The following ADNP variants were observed in gnomAD, a reference collection of about 807,000 sequenced individuals.
The protein encoded by ADNP is activity dependent neuroprotector homeobox.
Under a neutral mutation model 84.9 loss-of-function variants are expected in ADNP, and 4 were observed. That is an observed-to-expected ratio of 0.05 (90% confidence interval 0.02 to 0.11). ADNP has a LOEUF of 0.11. Among genes scored for constraint, ADNP ranks in the 10% least tolerant of loss-of-function variants. The probability of loss-of-function intolerance (pLI) is 1.00; values close to 1 mark genes in which losing one functional copy is unlikely to be tolerated. For synonymous variants in ADNP, 554 were observed against 468.1 expected (o/e 1.18, Z -2.37); for missense variants, 1,132 against 1,326.0 (o/e 0.85, Z 2.27).
rs766214850 is a variant in ADNP at position 50,891,507 on chromosome 20, A to T, written c.3207T>A (p.Ile1069=). 2.5e-5 allele frequency: 40 copies of T among 1,612,380 alleles called. No homozygotes were observed. Among genetic ancestry groups the T allele is most frequent in the Non-Finnish European group, 3.1e-5 (37 of 1,180,008 alleles). The part of the protein sequence containing the change: ...NPQIEWQNST[I]DSEDGEQFDN... ...CAAACTGTTCCCCATCCTCACTGTC[A>T]ATTGTGCTATTCTGCCACTCAATCT... The change falls in exon 6 of 6, where the codon ATT becomes ATA. Residue 1069 remains isoleucine (I), a synonymous_variant. Transcript: ENST00000621696.
rs564371879 is a variant in ADNP, at chr20:50,930,237, G to A, written c.-265+589C>T. Among the ~76,000 whole-genome samples, 8 of 152,322 alleles carry A rather than the reference G, an allele frequency of 5.3e-5. 1 individual carries two copies. The highest frequency in any genetic ancestry group is 2.1e-4 in the South Asian group (1 of 4,826). On this transcript the variant is annotated intron_variant, in intron 1 of 5. Transcript: ENST00000621696. ...GGTGCTGACCAGGCAGCTGAGATTG[G>A]GGAAAAGGGATGGTGGTGAACTGTG...
intron 2 of ADNP, among the ~76,000 whole-genome samples, chr20:50,920,140 G>A (rs138556383): frequency 2.0e-3 from 302 of 148,856 alleles, no homozygotes; most frequent in African/African-American, 7.0e-3. Context: ...AGCCGGGCGT[G>A]GTGGTGTGCG....
Position 50,925,556 on chromosome 20 carries a change from C to T in ADNP, c.-90+3095G>A, listed in dbSNP as rs186044985. ...AAAACCATGAAATCACAATGGCCAC[C>T]CACAATGGGCAAAGCATGGACGGTT... is the stretch of plus-strand genomic sequence containing the variant. On this transcript the variant is annotated intron_variant, in intron 2 of 5. Coordinates refer to ENST00000621696, the MANE Select transcript of ADNP (RefSeq NM_001282531.3). Among the ~76,000 whole-genome samples, 54 of 152,232 alleles carry T rather than the reference C, an allele frequency of 3.5e-4. 1 individual carries two copies. The highest frequency in any genetic ancestry group is 5.9e-4 in the Admixed American group (9 of 15,298).
At chr20:50,914,309 A>G (rs1983326621) in intron 2 of ADNP, 4 of 692,470 alleles carry the variant, frequency 5.8e-6, no homozygotes, top group South Asian at 1.6e-5. Context: ...CCAAGGAGCA[A>G]TATTTACATA....
chr20:50,929,247 GTGGAAGA>G (rs1568750253), intron 1 of ADNP, among the ~76,000 whole-genome samples: 3 of 152,208 alleles, frequency 2.0e-5, no homozygotes, highest in African/African-American at 7.2e-5. Context: ...AAAACTTGAG[GTGGAAGA>G]ACTCCAGAGG....
chr20:50,914,765 T>C (rs983965236), intron 2 of ADNP, among the ~76,000 whole-genome samples: 4 of 152,250 alleles, frequency 2.6e-5, no homozygotes, highest in African/African-American at 9.6e-5. Flanking sequence ...TAGATGGTTC[T>C]AGGTGGACTC....
rs1052269794 is a variant in ADNP, at chr20:50,931,415, A to C, written c.-854T>G. ...CGGACCGAGTCCCCGAACCTGCCCTAGCCAAAATGGCGGCCGAGAAAGAGC... is the reference window on the plus strand; with the variant it reads ...CGGACCGAGTCCCCGAACCTGCCCTCGCCAAAATGGCGGCCGAGAAAGAGC... On this transcript the variant is annotated 5_prime_UTR_variant, in exon 1 of 6. Coordinates refer to ENST00000621696, the MANE Select transcript of ADNP (RefSeq NM_001282531.3). 6.6e-6 allele frequency: 1 copy of C among 152,498 alleles called. No homozygotes were observed. Among genetic ancestry groups the C allele is most frequent in the Non-Finnish European group, 1.5e-5 (1 of 68,374 alleles). 9.4% of individuals were successfully genotyped at this position (152,498 alleles called of 1,614,324 possible).
chr20:50,930,765 C>G (rs1312021690), intron 1 of ADNP, 61 bp downstream of exon 1: 1 of 150,794 alleles, frequency 6.6e-6, no homozygotes, highest in Non-Finnish European at 1.5e-5. Flanking sequence ...CCGCGCGGGC[C>G]GGGGTCGGGA....
At position 50,894,263 on chromosome 20, in the gene ADNP, C is replaced by T. The variant is rs1981153125; in HGVS notation, c.451G>A (p.Gly151Ser). The T allele has an allele frequency of 1.2e-6, 2 of 1,613,862 alleles. No homozygotes were observed. Among genetic ancestry groups the T allele is most frequent in the South Asian group, 1.1e-5 (1 of 91,006 alleles). ...CTGTCAGCCTGCTTAGGTTTAAGGC[C>T]ATCATTTTTGTTTTTATCTTTGAAA... is the stretch of plus-strand genomic sequence containing the variant. ...STFKDKNKND[G>S]LKPKQADSVE... is the part of the protein sequence containing the mutation. Residue 151 changes from glycine to serine, a missense_variant, in exon 6 of 6, where the codon GGC (glycine) becomes AGC (serine). Physicochemically the swap from Gly to Ser is moderately conservative, Grantham distance 56 (BLOSUM62 0). Transcript: ENST00000621696.
Position 50,894,311 on chromosome 20 carries a change from C to T in ADNP, c.403G>A (p.Ala135Thr), listed in dbSNP as rs202035157. 1.4e-5 allele frequency: 22 copies of T among 1,613,600 alleles called. No homozygotes were observed. Among genetic ancestry groups the T allele is most frequent in the African/African-American group, 8.0e-5 (6 of 74,952 alleles). ...IKIFHAPNAS[A>T]PSSSLSTFKD... is the part of the protein sequence containing the mutation. ...AAAGTGCTGAGGCTGCTACTTGGTG[C>T]GCTGGCGTTCGGAGCATGAAATATT... is the stretch of plus-strand genomic sequence containing the variant. The change falls in exon 6 of 6, where the codon GCA becomes ACA. Residue 135 changes from alanine (A) to threonine (T), a missense_variant. Coordinates refer to ENST00000621696, the MANE Select transcript of ADNP (RefSeq NM_001282531.3).
chr20:50,928,075 T>C (rs1304135976), intron 2 of ADNP, among the ~76,000 whole-genome samples: 1 of 152,250 alleles, frequency 6.6e-6, no homozygotes, highest in African/African-American at 2.4e-5. Context: ...TCTAGTCAAA[T>C]ACCTGTACCA....
At chr20:50,927,597 T>C (rs1337716123) in intron 2 of ADNP, among the ~76,000 whole-genome samples, 1 of 151,914 alleles carries the variant, frequency 6.6e-6, no homozygotes, top group Non-Finnish European at 1.5e-5. Flanking sequence ...GGTCTCATTA[T>C]GTTGCCCAAG....
chr20:50,915,457 C>A (rs1983437014), intron 2 of ADNP, among the ~76,000 whole-genome samples: 1 of 152,132 alleles, frequency 6.6e-6, no homozygotes, highest in Admixed American at 6.5e-5. Context: ...AGATTGAGAG[C>A]CTACAGCCAG....
rs759277858 is a variant in ADNP at position 50,889,266 on chromosome 20, T to G, written c.*2139A>C. 1 of 152,200 alleles carries G rather than the reference T, an allele frequency of 6.6e-6. No individual in the cohort carries two copies. The highest frequency in any genetic ancestry group is 1.5e-5 in the Non-Finnish European group (1 of 68,026). 9.4% of individuals were successfully genotyped at this position (152,200 alleles called of 1,614,324 possible). On this transcript the variant is annotated 3_prime_UTR_variant, in exon 6 of 6. Coordinates refer to ENST00000621696, the MANE Select transcript of ADNP (RefSeq NM_001282531.3). ...CCGTGGTGTCTTGTACAAGTCTCATTAGTCCTCCACGTACAACTCAGAAGC... is the reference window on the plus strand; with the variant it reads ...CCGTGGTGTCTTGTACAAGTCTCATGAGTCCTCCACGTACAACTCAGAAGC...
chr20:50,895,916 A>G (rs971734732), intron 5 of ADNP, among the ~76,000 whole-genome samples: 4 of 152,262 alleles, frequency 2.6e-5, no homozygotes, highest in African/African-American at 9.6e-5. Context: ...TTTTGTAGTA[A>G]TACTTAGCTT....
chr20:50,927,436 C>T (rs1256002412), intron 2 of ADNP, among the ~76,000 whole-genome samples: 1 of 152,192 alleles, frequency 6.6e-6, no homozygotes, highest in South Asian at 2.1e-4. Flanking sequence ...GGAATTTCTA[C>T]TTAAAGTTCA....
Position 50,891,404 on chromosome 20 carries a change from C to G in ADNP, c.*1G>C, listed in dbSNP as rs1343261579. 1.3e-6 allele frequency: 2 copies of G among 1,595,658 alleles called. No individual in the cohort carries two copies. The highest frequency in any genetic ancestry group is 2.7e-5 in the African/African-American group (2 of 74,542). On this transcript the variant is annotated 3_prime_UTR_variant, in exon 6 of 6. Coordinates refer to ENST00000621696, the MANE Select transcript of ADNP (RefSeq NM_001282531.3). Reference sequence around the variant, plus strand: ...GTCACCAACGCCAGGGAACCTGGCACTTAGGCCTGTTGGCTGCTCAGTTTA... The same window carrying G: ...GTCACCAACGCCAGGGAACCTGGCAGTTAGGCCTGTTGGCTGCTCAGTTTA...
At position 50,892,083 on chromosome 20, in the gene ADNP, G is replaced by C. The variant is rs761053005; in HGVS notation, c.2631C>G (p.Asp877Glu). The C allele has an allele frequency of 1.9e-6, 3 of 1,614,126 alleles. No individual in the cohort carries two copies. The South Asian group carries it at 3.3e-5, about 18-fold the overall frequency. The stretch of plus-strand genomic sequence containing the variant: ...ATTCTTCTTCCAAATTTTCAAAACT[G>C]TCTGAGGAACTGTCATCTTCCTTCC... The part of the protein sequence containing the change: ...NLGKEDDSSS[D>E]SFENLEEESN... Residue 877 changes from aspartate to glutamate, a missense_variant, in exon 6 of 6, where the codon GAC (aspartate) becomes GAG (glutamate). Physicochemically the swap from Asp to Glu is conservative, Grantham distance 45. Coordinates refer to ENST00000621696, the MANE Select transcript of ADNP (RefSeq NM_001282531.3).
At chr20:50,918,765 G>C (rs899276663) in intron 2 of ADNP, among the ~76,000 whole-genome samples, 4 of 152,174 alleles carry the variant, frequency 2.6e-5, no homozygotes, top group South Asian at 2.1e-4. Flanking sequence ...AAAAGTAGAA[G>C]AACAAGAGGA....
Sources: allele counts gnomAD v4.1 joint callset (sites outside exome capture counted in the v4.1 genomes callset), GRCh38; gene constraint gnomAD v4.1.1; transcripts MANE v1.5; gene names NCBI Gene and HGNC (gene_info 2026-07-23, HGNC 2026-07-21).